Variants in PDK1 observed in about 807,000 individuals in gnomAD.
PDK1 encodes [Pyruvate dehydrogenase (acetyl-transferring)] kinase isozyme 1, mitochondrial.
PDK1 carries 39 observed loss-of-function variants against 54.2 expected under a neutral mutation model. The observed-to-expected ratio is 0.72, with a 90% CI of 0.56 to 0.94. PDK1 has a LOEUF of 0.94. Ranked by LOEUF, PDK1 falls within the 40% of genes least tolerant of loss-of-function variation. PDK1 has a pLI of 0.00. For missense variants in PDK1, 552 were observed against 566.0 expected (o/e 0.98, Z 0.25); for synonymous variants, 221 against 207.1 (o/e 1.07, Z -0.58).
Position 172,607,821 on chromosome 2 carries a change from C to G in PDK1, c.*11852C>G, listed in dbSNP as rs537436315. 2.0e-5 allele frequency: 3 copies of G among 152,444 alleles called. No homozygotes were observed. Among genetic ancestry groups the G allele is most frequent in the East Asian group, 1.9e-4 (1 of 5,190 alleles). 9.4% of individuals were successfully genotyped at this position (152,444 alleles called of 1,614,324 possible). On this transcript the variant is annotated 3_prime_UTR_variant, in exon 11 of 11. Coordinates refer to ENST00000282077, the MANE Select transcript of PDK1 (RefSeq NM_002610.5). ...TTTAGGAGCAGAGTAGTGTTGATAA[C>G]TGGCATCTGGAACCTACAGTTTCCA...
In PDK1 at chr2:172,587,493, G is replaced by A. The variant is rs138066000; in HGVS notation, c.1056+1105G>A. ...GTTGTTTGTTCTTCTGGGTGGGTTC[G>A]TGGTCTCGGTGGCTTCAGGAGTGAA... On this transcript the variant is annotated intron_variant, in intron 9 of 10. Transcript: ENST00000282077. 1.4e-3 allele frequency among the ~76,000 whole-genome samples: 209 copies of A among 152,008 alleles called. 1 individual carries two copies. The highest frequency in any genetic ancestry group is 4.7e-3 in the African/African-American group (196 of 41,404).
chr2:172,598,272 A>G lies in PDK1; in HGVS notation c.*2303A>G, dbSNP rs1690991523. ...ATTCTCCTCCCCCAAGAAAATTTAA[A>G]CTTTTTCTCTCTATTTAAAAGCTAA... On this transcript the variant is annotated 3_prime_UTR_variant, in exon 11 of 11. Transcript: ENST00000282077. 6.6e-6 allele frequency: 1 copy of G among 152,230 alleles called. No individual in the cohort carries two copies. The highest frequency in any genetic ancestry group is 2.4e-5 in the African/African-American group (1 of 41,464). The allele number at this position is 152,230 out of a possible 1,614,324, so 9.4% of individuals were successfully genotyped here.
the PDK1 span, among the ~76,000 whole-genome samples, chr2:172,691,829 T>A: frequency 2.0e-5 from 3 of 152,258 alleles, no homozygotes; most frequent in African/African-American, 7.2e-5. Flanking sequence ...GAAGGACATC[T>A]TGGTTACTTA....
the PDK1 span, among the ~76,000 whole-genome samples, chr2:172,629,415 T>C: frequency 0.3 from 44,942 of 152,004 alleles, 7,239 homozygotes; most frequent in African/African-American, 0.43. Context: ...AAGAAGTAGC[T>C]GGACGTCAGA....
chr2:172,678,832 C>T, the PDK1 span: 2 of 152,172 alleles, frequency 1.3e-5, no homozygotes, highest in African/African-American at 2.4e-5. Flanking sequence ...CTTTGAGAAA[C>T]CAGGTTTATC....
chr2:172,634,603 A>G, the PDK1 span, among the ~76,000 whole-genome samples: 17 of 152,078 alleles, frequency 1.1e-4, no homozygotes, highest in Admixed American at 9.2e-4. Flanking sequence ...TCTGGATAGT[A>G]TTTTATAAAT....
the PDK1 span, among the ~76,000 whole-genome samples, chr2:172,620,700 C>A: frequency 1.3e-5 from 2 of 152,114 alleles, no homozygotes; most frequent in African/African-American, 4.8e-5. Flanking sequence ...AGTGAGTTCT[C>A]GCAAGATCTC....
Position 172,601,177 on chromosome 2 carries a change from A to G in PDK1, c.*5208A>G, listed in dbSNP as rs1338212402. ...AATAACATTTTTTTCCATTCTCAAAATGATACTTAAATGACTCAGTACAAC... is the reference window on the plus strand; with the variant it reads ...AATAACATTTTTTTCCATTCTCAAAGTGATACTTAAATGACTCAGTACAAC... On this transcript the variant is annotated 3_prime_UTR_variant, in exon 11 of 11. Coordinates refer to ENST00000282077, the MANE Select transcript of PDK1 (RefSeq NM_002610.5). The G allele has an allele frequency of 6.6e-6, 1 of 152,202 alleles. No homozygotes were observed. Among genetic ancestry groups the G allele is most frequent in the Non-Finnish European group, 1.5e-5 (1 of 68,036 alleles). The allele number at this position is 152,202 out of a possible 1,614,324, so 9.4% of individuals were successfully genotyped here. A position where few individuals can be genotyped will look rare whatever the true frequency, so the allele number is the denominator to read the frequency against.
At chr2:172,572,961 A>G (rs1689363560) in intron 8 of PDK1, among the ~76,000 whole-genome samples, 1 of 152,206 alleles carries the variant, frequency 6.6e-6, no homozygotes, top group Non-Finnish European at 1.5e-5. Context: ...ATATTCTGTT[A>G]TATGGATATA....
the PDK1 span, among the ~76,000 whole-genome samples, chr2:172,629,543 C>T: frequency 6.6e-6 from 1 of 152,142 alleles, no homozygotes; most frequent in Non-Finnish European, 1.5e-5. Flanking sequence ...CTTTCCAGCC[C>T]CCTATCCCGC....
At chr2:172,673,536 G>A in the PDK1 span, among the ~76,000 whole-genome samples, 11 of 152,102 alleles carry the variant, frequency 7.2e-5, no homozygotes, top group Non-Finnish European at 1.6e-4. Flanking sequence ...ACCTCCCTGA[G>A]CATCACGTGA....
At chr2:172,648,577 T>C in the PDK1 span, among the ~76,000 whole-genome samples, 1 of 152,260 alleles carries the variant, frequency 6.6e-6, no homozygotes, top group South Asian at 2.1e-4. Flanking sequence ...GAATTCCCTT[T>C]CCTAGCAAAG....
intron 8 of PDK1, among the ~76,000 whole-genome samples, chr2:172,582,059 C>T (rs1424967327): frequency 6.6e-6 from 1 of 151,972 alleles, no homozygotes; most frequent in Non-Finnish European, 1.5e-5. Context: ...ATTACAGGCA[C>T]GCACCACCAT....
chr2:172,675,489 T>C, the PDK1 span, among the ~76,000 whole-genome samples: 1 of 152,158 alleles, frequency 6.6e-6, no homozygotes, highest in South Asian at 2.1e-4. Context: ...AAGGTTTGAG[T>C]GTTCTGGAGA....
the PDK1 span, among the ~76,000 whole-genome samples, chr2:172,679,516 T>C: frequency 6.6e-6 from 1 of 152,184 alleles, no homozygotes; most frequent in African/African-American, 2.4e-5. Flanking sequence ...GATGAAGTCA[T>C]GAAGTCTTGA....
the PDK1 span, among the ~76,000 whole-genome samples, chr2:172,636,147 A>G: frequency 1.3e-5 from 2 of 152,362 alleles, no homozygotes; most frequent in Admixed American, 1.3e-4. Flanking sequence ...AATGAGACAT[A>G]TCTACAGAAG....
chr2:172,566,906 C>G lies in PDK1; in HGVS notation c.742C>G (p.Pro248Ala). ...GTGTGATTTGTATTATATTAACTCT[C>G]CCGAACTAGAACTTGAAGAACTAAA... ...RLCDLYYINS[P>A]ELELEELNAK... The change falls in exon 6 of 11, where the codon CCC becomes GCC. Residue 248 changes from proline (P) to alanine (A), a missense_variant. Pro to Ala is a conservative substitution (Grantham distance 27, BLOSUM62 -1). Transcript: ENST00000282077. 6.2e-7 allele frequency: 1 copy of G among 1,609,462 alleles called. No homozygotes were observed.
the PDK1 span, among the ~76,000 whole-genome samples, chr2:172,676,419 A>C: frequency 6.6e-6 from 1 of 152,334 alleles, no homozygotes; most frequent in South Asian, 2.1e-4. Context: ...ATCAACATGA[A>C]CAGGAGTTTG....
the PDK1 span, among the ~76,000 whole-genome samples, chr2:172,700,897 G>T: frequency 6.6e-6 from 1 of 152,134 alleles, no homozygotes; most frequent in African/African-American, 2.4e-5. Flanking sequence ...CAGGCACTCC[G>T]CATGCCGAGG....
Sources: gnomAD v4.1 joint callset for allele counts (sites outside exome capture counted in the v4.1 genomes callset) on GRCh38, gnomAD v4.1.1 for gene constraint, MANE v1.5 for transcripts, NCBI Gene and HGNC (gene_info 2026-07-23, HGNC 2026-07-21) for gene names.